Variants in LRMDA observed in about 807,000 individuals in gnomAD.
LRMDA encodes the protein leucine-rich melanocyte differentiation-associated protein.
A neutral mutation model predicts 29.8 loss-of-function variants in LRMDA; 18 were observed. The observed-to-expected ratio is 0.60, with a 90% CI of 0.42 to 0.90. The LOEUF is 0.90. Ranked by LOEUF, LRMDA falls within the 40% of genes least tolerant of loss-of-function variation. The pLI, the probability that LRMDA is intolerant of heterozygous loss-of-function variation, is 0.00. For missense variants in LRMDA, 273 were observed against 273.9 expected, an observed-to-expected ratio of 1.00 and a Z score of 0.02; for synonymous variants, 125 against 109.4, an observed-to-expected ratio of 1.14 and a Z score of -0.89.
At chr10:75,503,215 C>T (rs1262264282) in intron 2 of LRMDA, among the ~76,000 whole-genome samples, 2 of 151,688 alleles carry the variant, frequency 1.3e-5, no homozygotes, top group African/African-American at 4.8e-5. Context: ...ACAGGTACTG[C>T]AGTTGTGCTT....
intron 2 of LRMDA, among the ~76,000 whole-genome samples, chr10:76,008,057 T>C (rs932159569): frequency 3.3e-5 from 5 of 152,104 alleles, no homozygotes; most frequent in African/African-American, 9.7e-5. Flanking sequence ...AGAAATCCTC[T>C]CTGCTTATAG....
intron 2 of LRMDA, among the ~76,000 whole-genome samples, chr10:75,536,521 G>C (rs919992718): frequency 1.3e-5 from 2 of 152,062 alleles, no homozygotes; most frequent in Non-Finnish European, 2.9e-5. Context: ...CATCACACCT[G>C]TTTGGGGTAT....
At chr10:75,925,473 A>G (rs1354786124) in intron 2 of LRMDA, among the ~76,000 whole-genome samples, 1 of 152,112 alleles carries the variant, frequency 6.6e-6, no homozygotes, top group African/African-American at 2.4e-5. Context: ...TTTGATCTTA[A>G]AAAATATATT....
At chr10:75,754,946 T>G in intron 2 of LRMDA, among the ~76,000 whole-genome samples, 1 of 152,228 alleles carries the variant, frequency 6.6e-6, no homozygotes, top group East Asian at 1.9e-4. Context: ...CAGTCTTGTG[T>G]ATCTATAGGT....
intron 2 of LRMDA, among the ~76,000 whole-genome samples, chr10:75,557,814 A>G (rs1023645385): frequency 6.6e-6 from 1 of 152,172 alleles, no homozygotes; most frequent in Admixed American, 6.5e-5. Context: ...TAGATAATGT[A>G]TACAGCTGTA....
At chr10:75,946,695 A>G (rs1163223550) in intron 2 of LRMDA, among the ~76,000 whole-genome samples, 4 of 152,066 alleles carry the variant, frequency 2.6e-5, no homozygotes, top group Non-Finnish European at 4.4e-5. Flanking sequence ...GTCCTTTCCC[A>G]TTTTATAACA....
chr10:76,059,243 G>A (rs1238018337), intron 5 of LRMDA, among the ~76,000 whole-genome samples: 1 of 152,150 alleles, frequency 6.6e-6, no homozygotes, highest in Non-Finnish European at 1.5e-5. Flanking sequence ...CTGAGATATC[G>A]TTAGTGTGGA....
At chr10:76,071,659 C>G (rs1740343860) in intron 5 of LRMDA, among the ~76,000 whole-genome samples, 1 of 152,180 alleles carries the variant, frequency 6.6e-6, no homozygotes. Flanking sequence ...CATTATATGA[C>G]TAAATGTGCA....
At chr10:75,582,751 A>C (rs1006362697) in intron 2 of LRMDA, among the ~76,000 whole-genome samples, 3 of 152,212 alleles carry the variant, frequency 2.0e-5, no homozygotes, top group Admixed American at 6.5e-5. Context: ...GCCGGGCTGC[A>C]AATTTTCTGA....
At chr10:76,422,729 A>G (rs1403410853) in intron 6 of LRMDA, among the ~76,000 whole-genome samples, 2 of 152,222 alleles carry the variant, frequency 1.3e-5, no homozygotes, top group Admixed American at 1.3e-4. Context: ...GGAAATAACT[A>G]TTTTGGAAGA....
intron 2 of LRMDA, among the ~76,000 whole-genome samples, chr10:75,549,560 A>T (rs1840117787): frequency 1.3e-5 from 2 of 152,158 alleles, no homozygotes. Flanking sequence ...GGCTAAAGTG[A>T]TCCTCCTGCC....
At chr10:76,223,826 G>A (rs541126634) in intron 5 of LRMDA, among the ~76,000 whole-genome samples, 32 of 152,142 alleles carry the variant, frequency 2.1e-4, no homozygotes, top group African/African-American at 4.6e-4. Context: ...GCATCTCTTC[G>A]TGGTCTTTTC....
chr10:75,455,233 C>T (rs1442449743), intron 2 of LRMDA, among the ~76,000 whole-genome samples: 3 of 152,204 alleles, frequency 2.0e-5, no homozygotes, highest in South Asian at 2.1e-4. Context: ...GAACTGTCTT[C>T]AGATATACTC....
At chr10:75,647,880 C>A (rs975684121) in intron 2 of LRMDA, among the ~76,000 whole-genome samples, 1 of 152,148 alleles carries the variant, frequency 6.6e-6, no homozygotes, top group East Asian at 1.9e-4. Flanking sequence ...TCACCCACCA[C>A]CCCTACCCAC....
intron 6 of LRMDA, among the ~76,000 whole-genome samples, chr10:76,508,115 G>T (rs1459013044): frequency 3.3e-5 from 5 of 152,112 alleles, no homozygotes; most frequent in Non-Finnish European, 5.9e-5. Flanking sequence ...CCTTCTCAGT[G>T]CATTGTATCA....
chr10:75,526,563 A>G (rs1393470636), intron 2 of LRMDA, among the ~76,000 whole-genome samples: 1 of 152,034 alleles, frequency 6.6e-6, no homozygotes, highest in African/African-American at 2.4e-5. Context: ...AAAAAAATAC[A>G]TAATTTAGGC....
chr10:76,469,572 A>G lies in LRMDA; in HGVS notation c.602-87637A>G, dbSNP rs1204395019. Among the ~76,000 whole-genome samples, 10 of 152,176 alleles carry G rather than the reference A, an allele frequency of 6.6e-5. No homozygotes were observed. The East Asian group carries it at 1.9e-3, about 30-fold the overall frequency. On this transcript the variant is annotated intron_variant, in intron 6 of 6. Transcript: ENST00000611255. ...CTCAGTGGGAGAGCAGTCCATAAAT[A>G]CATAGAGCTCTGAAGCTCTGAAGCT...
chr10:75,789,305 C>G (rs560528017), intron 2 of LRMDA, among the ~76,000 whole-genome samples: 1 of 152,132 alleles, frequency 6.6e-6, no homozygotes, highest in Non-Finnish European at 1.5e-5. Context: ...TGTAAACCCA[C>G]AGTAAATAGT....
intron 5 of LRMDA, among the ~76,000 whole-genome samples, chr10:76,186,952 A>G (rs1851161162): frequency 6.6e-6 from 1 of 152,146 alleles, no homozygotes; most frequent in East Asian, 1.9e-4. Flanking sequence ...ATTTTATGTT[A>G]GTTTTAATTT....
Sources: gnomAD v4.1 joint callset for allele counts (sites outside exome capture counted in the v4.1 genomes callset) on GRCh38, gnomAD v4.1.1 for gene constraint, MANE v1.5 for transcripts, NCBI Gene and HGNC (gene_info 2026-07-23, HGNC 2026-07-21) for gene names.